Variants in DPPA3 observed in about 807,000 individuals in gnomAD.
The protein encoded by DPPA3 is developmental pluripotency associated 3.
A neutral mutation model predicts 15.6 loss-of-function variants in DPPA3; 9 were observed. That is an observed-to-expected ratio of 0.58 (90% CI 0.35 to 1.01). The LOEUF is 1.01. Among genes scored for constraint, DPPA3 ranks in the 50% least tolerant of loss-of-function variants. DPPA3 has a pLI of 0.02. For missense variants in DPPA3, 148 were observed against 194.6 expected, an observed-to-expected ratio of 0.76 and a Z score of 1.42; for synonymous variants, 61 against 70.9, an observed-to-expected ratio of 0.86 and a Z score of 0.70.
chr12:7,716,839 G>A (rs374737441), intron 3 of DPPA3, 128 bp from the exon 4 acceptor site: 28 of 846,746 alleles, frequency 3.3e-5, no homozygotes, highest in Middle Eastern at 4.4e-4. Context: ...CTTTTGGCCC[G>A]TGTGTCCTTT....
intron 2 of DPPA3, 120 bp downstream of exon 2, chr12:7,715,547 G>C (rs1426994775): frequency 2.3e-5 from 34 of 1,488,862 alleles, no homozygotes; most frequent in Non-Finnish European, 2.4e-5. Flanking sequence ...TGTAATCTGA[G>C]CACTTCGGGA....
chr12:7,714,731 G>T (rs913012451), intron 1 of DPPA3, among the ~76,000 whole-genome samples: 3 of 143,488 alleles, frequency 2.1e-5, no homozygotes, highest in East Asian at 2.0e-4. Flanking sequence ...TTATTTTTTT[G>T]AGACGGAGTC....
intron 1 of DPPA3, 35 bp from the exon 2 acceptor site, chr12:7,715,148 C>T (rs1422060667): frequency 1.9e-5 from 31 of 1,612,148 alleles, no homozygotes; most frequent in Non-Finnish European, 2.5e-5. Flanking sequence ...GTTGAAGATC[C>T]CCTTAATGTA....
chr12:7,716,838 C>T (rs1864406181), intron 3 of DPPA3, 129 bp from the exon 4 acceptor site: 5 of 838,800 alleles, frequency 6.0e-6, no homozygotes, highest in Middle Eastern at 2.2e-4. Flanking sequence ...GCTTTTGGCC[C>T]GTGTGTCCTT....
intron 1 of DPPA3, 55 bp downstream of exon 1, chr12:7,711,707 A>G: frequency 9.9e-7 from 1 of 1,009,282 alleles, no homozygotes. Context: ...TTGGGAGGTC[A>G]AAAGGCTGCC....
At chr12:7,715,665 T>C (rs1266522345) in intron 2 of DPPA3, among the ~76,000 whole-genome samples, 1 of 151,980 alleles carries the variant, frequency 6.6e-6, no homozygotes, top group African/African-American at 2.4e-5. Context: ...GGCCTGGTGG[T>C]GGGCACCTGC....
rs1383658690 is a variant in DPPA3 at position 7,717,058 on chromosome 12, C to T, written c.461C>T (p.Thr154Ile). 1 of 1,612,928 alleles carries T rather than the reference C, an allele frequency of 6.2e-7. No individual in the cohort carries two copies. The highest frequency in any genetic ancestry group is 2.2e-5 in the East Asian group (1 of 44,858). ...AATGCTAGAATAGGGAATCAAGACA[C>T]CAAGCCACTTCAGCCATAAATCTTA... ...SENARIGNQD[T>I]KPLQP Residue 154 changes from threonine (T) to isoleucine (I), a missense_variant, in exon 4 of 4, where the codon ACC (threonine) becomes ATC (isoleucine). Physicochemically the swap from Thr to Ile is moderately conservative, Grantham distance 89 (BLOSUM62 -1). Transcript: ENST00000345088.
rs752611710 is a variant in DPPA3, at chr12:7,715,242, G to A, written c.142G>A (p.Ala48Thr). 19 of 1,613,812 alleles carry A rather than the reference G, an allele frequency of 1.2e-5. No homozygotes were observed. The highest frequency in any genetic ancestry group is 1.6e-5 in the Non-Finnish European group (19 of 1,179,828). ...IKNLSNLTIN[A>T]SSESVSPLSE... ...GAACCTTAGTAACTTGACTATCAAC[G>A]CTAGTAGCGAATCTGTTTCCCCTCT... The change falls in exon 2 of 4, where the codon GCT becomes ACT. Residue 48 changes from alanine to threonine, a missense_variant. Physicochemically the swap from Ala to Thr is moderately conservative, Grantham distance 58. Coordinates refer to ENST00000345088, the MANE Select transcript of DPPA3 (RefSeq NM_199286.4).
chr12:7,715,761 C>T (rs1484895974), intron 2 of DPPA3, among the ~76,000 whole-genome samples: 4 of 152,114 alleles, frequency 2.6e-5, no homozygotes. Flanking sequence ...TGTGCCATTG[C>T]CCTCCAGCCT....
At chr12:7,711,706 CA>C in intron 1 of DPPA3, 54 bp downstream of exon 1, 2 of 653,034 alleles carry the variant, frequency 3.1e-6, no homozygotes, top group Non-Finnish European at 4.7e-6. Flanking sequence ...GTTGGGAGGT[CA>C]AAAGGCTGCC....
intron 1 of DPPA3, among the ~76,000 whole-genome samples, chr12:7,714,754 C>T (rs1409935326): frequency 6.6e-6 from 1 of 151,928 alleles, no homozygotes; most frequent in Non-Finnish European, 1.5e-5. Context: ...GCTCTGTCCC[C>T]CAGACTAGAG....
At chr12:7,711,718 GTCTTTT>G in intron 1 of DPPA3, 66 bp downstream of exon 1, 9 of 559,752 alleles carry the variant, frequency 1.6e-5, no homozygotes, top group South Asian at 6.0e-5. Flanking sequence ...AAAGGCTGCC[GTCTTTT>G]TTTTTTTTTT....
intron 1 of DPPA3, among the ~76,000 whole-genome samples, chr12:7,712,738 G>T (rs1235665013): frequency 6.7e-6 from 1 of 148,850 alleles, no homozygotes; most frequent in Non-Finnish European, 1.5e-5. Context: ...AAGCCAGCGC[G>T]CCCGTCCTAT....
chr12:7,711,720 CTTTTTTTTTTTTTTTT>C (rs3069565), intron 1 of DPPA3, 68 bp downstream of exon 1: 124 of 340,558 alleles, frequency 3.6e-4, no homozygotes, highest in Middle Eastern at 7.4e-4. Context: ...AGGCTGCCGT[CTTTTTTTTTTTTTTTT>C]TTTTTTTTTT....
rs1364992775 is a variant in DPPA3 at position 7,711,484 on chromosome 12, C to T, written c.-87C>T. The T allele has an allele frequency of 1.6e-6, 2 of 1,283,562 alleles. No individual in the cohort carries two copies. The highest frequency in any genetic ancestry group is 2.6e-5 in the East Asian group (1 of 37,986). The allele number at this position is 1,283,562 out of a possible 1,614,324, so 79.5% of individuals were successfully genotyped here. A position where few individuals can be genotyped will look rare whatever the true frequency, so the allele number is the denominator to read the frequency against. ...CTCCGGTTTTCAGCCTCTTTCCGGG[C>T]TACCTGGTAGCAATTTGAGGCTCTG... On this transcript the variant is annotated 5_prime_UTR_variant, in exon 1 of 4. Transcript: ENST00000345088.
At chr12:7,714,723 A>T (rs1565454682) in intron 1 of DPPA3, among the ~76,000 whole-genome samples, 2 of 149,276 alleles carry the variant, frequency 1.3e-5, no homozygotes, top group East Asian at 2.0e-4. Flanking sequence ...TTATTTATTT[A>T]TTTTTTTGAG....
At chr12:7,712,899 C>A (rs1188696583) in intron 1 of DPPA3, among the ~76,000 whole-genome samples, 1 of 152,102 alleles carries the variant, frequency 6.6e-6, no homozygotes, top group African/African-American at 2.4e-5. Context: ...TTGAGACAGG[C>A]TTTCCAGCTA....
Position 7,716,077 on chromosome 12 carries a change from T to C in DPPA3, c.328-121T>C, listed in dbSNP as rs1341906141. 19 of 857,852 alleles carry C rather than the reference T, an allele frequency of 2.2e-5. No individual in the cohort carries two copies. The East Asian group carries it at 4.8e-4, about 22-fold the overall frequency. The allele number at this position is 857,852 out of a possible 1,614,324, so 53.1% of individuals were successfully genotyped here. On this transcript the variant is annotated intron_variant, in intron 2 of 3. Coordinates refer to ENST00000345088, the MANE Select transcript of DPPA3 (RefSeq NM_199286.4). ...ATGATTGCTCCACTGCAATCCAGCC[T>C]GGGCAACAGAGAAAGACCCTGTCTC...
intron 1 of DPPA3, among the ~76,000 whole-genome samples, chr12:7,713,004 C>G (rs755806675): frequency 6.6e-6 from 1 of 152,248 alleles, no homozygotes; most frequent in Non-Finnish European, 1.5e-5. Flanking sequence ...GGACCTCCAC[C>G]GGAGGGCGGC....
Sources: gnomAD v4.1 joint callset for allele counts (sites outside exome capture counted in the v4.1 genomes callset) on GRCh38, gnomAD v4.1.1 for gene constraint, MANE v1.5 for transcripts, NCBI Gene and HGNC (gene_info 2026-07-23, HGNC 2026-07-21) for gene names.